Variants in RXFP2 observed in about 807,000 individuals in gnomAD.
RXFP2 encodes the protein relaxin receptor 2.
In RXFP2, 68 loss-of-function variants were observed where a neutral mutation model predicts 88.6. The ratio of observed to expected loss-of-function variants is 0.77; its 90% CI spans 0.63 to 0.94. RXFP2 has a LOEUF of 0.94. Ranked by LOEUF, RXFP2 falls within the 40% of genes least tolerant of loss-of-function variation. The pLI is 0.00. For synonymous variants in RXFP2, 329 were observed against 306.8 expected (o/e 1.07, Z -0.76); for missense variants, 791 against 893.9 (o/e 0.88, Z 1.47).
intron 9 of RXFP2, among the ~76,000 whole-genome samples, chr13:31,779,204 C>T (rs569036161): frequency 6.6e-6 from 1 of 150,836 alleles, no homozygotes; most frequent in East Asian, 2.0e-4. Flanking sequence ...CGGCTCACTG[C>T]AAGCTCTGTC....
Position 31,765,089 on chromosome 13 carries a change from T to C in RXFP2, c.372T>C (p.Cys124=), listed in dbSNP as rs1872488558. Residue 124 remains cysteine, a synonymous_variant, in exon 4 of 18, where the codon TGT becomes TGC. Coordinates refer to ENST00000298386, the MANE Select transcript of RXFP2 (RefSeq NM_130806.5). The part of the protein sequence containing the change: ...CCDCKETELE[C]VNGDLKSVPM... ...ACTGCAAAGAAACTGAATTGGAATG[T>C]GTAAATGGTGACTTAAAGTCTGTGC... 1.9e-6 allele frequency: 3 copies of C among 1,612,264 alleles called. No individual in the cohort carries two copies. In the East Asian group the frequency reaches 6.7e-5, roughly 36 times the overall value.
intron 8 of RXFP2, among the ~76,000 whole-genome samples, chr13:31,778,093 T>A (rs968026115): frequency 2.0e-5 from 3 of 152,220 alleles, no homozygotes; most frequent in Admixed American, 6.5e-5. Flanking sequence ...ACTTCTCCAA[T>A]TTAATGCAGT....
At chr13:31,755,646 T>C (rs1420514485) in intron 1 of RXFP2, among the ~76,000 whole-genome samples, 17 of 152,210 alleles carry the variant, frequency 1.1e-4, no homozygotes, top group Admixed American at 1.1e-3. Flanking sequence ...TAGAAATCTT[T>C]ACAAGCAAGA....
chr13:31,799,242 C>T (rs1057134348), intron 17 of RXFP2, among the ~76,000 whole-genome samples: 10 of 151,724 alleles, frequency 6.6e-5, no homozygotes, highest in East Asian at 1.9e-4. Flanking sequence ...AATGGAGTCT[C>T]GCTCTGTTGC....
rs757712862 is a variant in RXFP2, at chr13:31,802,374, T to C, written c.2234T>C (p.Leu745Pro). 2.5e-6 allele frequency: 4 copies of C among 1,614,128 alleles called. No individual in the cohort carries two copies. The East Asian group carries it at 8.9e-5, about 36-fold the overall frequency. ...CTTGGGGTTTTGAACAAAATAACAC[T>C]TGGAGACAGTATAATGAAACCAGTT... is the stretch of plus-strand genomic sequence containing the variant. ...LKLGVLNKITLGDSIMKPVS is the reference protein window; with the variant it reads ...LKLGVLNKITPGDSIMKPVS Residue 745 changes from leucine to proline, a missense_variant, in exon 18 of 18, where the codon CTT becomes CCT. Leu to Pro is a moderately conservative substitution (Grantham distance 98). Transcript: ENST00000298386.
At chr13:31,772,441 G>C (rs1872767658) in intron 5 of RXFP2, among the ~76,000 whole-genome samples, 1 of 152,176 alleles carries the variant, frequency 6.6e-6, no homozygotes, top group Non-Finnish European at 1.5e-5. Flanking sequence ...TGAAACTGCA[G>C]GAATTCATGA....
intron 1 of RXFP2, among the ~76,000 whole-genome samples, chr13:31,754,820 A>T (rs1383533457): frequency 6.6e-6 from 1 of 152,254 alleles, no homozygotes; most frequent in Admixed American, 6.5e-5. Flanking sequence ...ATGGAATAAC[A>T]TAAAGAAGTA....
At chr13:31,741,761 G>C (rs186421622) in intron 1 of RXFP2, among the ~76,000 whole-genome samples, 6 of 152,082 alleles carry the variant, frequency 3.9e-5, no homozygotes, top group Non-Finnish European at 8.8e-5. Flanking sequence ...TTTATTCACT[G>C]TGTATCTCTG....
chr13:31,777,289 A>G, intron 7 of RXFP2, 87 bp from the exon 8 acceptor site: 1 of 870,074 alleles, frequency 1.1e-6, no homozygotes, highest in East Asian at 2.6e-5. Flanking sequence ...GAAGCACACA[A>G]AGGAGTAGGC....
intron 1 of RXFP2, among the ~76,000 whole-genome samples, chr13:31,745,209 A>G (rs1871360727): frequency 6.6e-6 from 1 of 151,986 alleles, no homozygotes; most frequent in African/African-American, 2.4e-5. Context: ...CCAGGTATGA[A>G]TTCCCCCTTT....
In RXFP2 at chr13:31,773,349, G is replaced by C. The variant is rs114983016; in HGVS notation, c.498-1271G>C. Among the ~76,000 whole-genome samples, 1,051 of 152,270 alleles carry C rather than the reference G, an allele frequency of 6.9e-3. 10 individuals carry two copies. Among genetic ancestry groups the C allele is most frequent in the African/African-American group, 0.024 (996 of 41,550 alleles). ...AACACTTGGCACATGGAGGAACATA[G>C]GGAAAATGACCGTATTTGTAAAGTA... On this transcript the variant is annotated intron_variant, in intron 5 of 17. Transcript: ENST00000298386.
At chr13:31,749,065 T>G (rs1057110919) in intron 1 of RXFP2, among the ~76,000 whole-genome samples, 3 of 152,198 alleles carry the variant, frequency 2.0e-5, no homozygotes, top group Admixed American at 2.0e-4. Context: ...CCTTTATGAT[T>G]AGTACTTTTA....
At chr13:31,775,858 C>T (rs981229277) in intron 7 of RXFP2, among the ~76,000 whole-genome samples, 5 of 152,184 alleles carry the variant, frequency 3.3e-5, no homozygotes, top group African/African-American at 7.2e-5. Flanking sequence ...AGAAACCTCA[C>T]GTCAGATGTC....
At chr13:31,751,133 T>C (rs956151954) in intron 1 of RXFP2, among the ~76,000 whole-genome samples, 4 of 151,908 alleles carry the variant, frequency 2.6e-5, no homozygotes, top group African/African-American at 9.7e-5. Context: ...GTACTAAAAA[T>C]ACAAAAAAAT....
chr13:31,766,133 T>A, intron 5 of RXFP2, 106 bp downstream of exon 5: 1 of 690,752 alleles, frequency 1.4e-6, no homozygotes, highest in Non-Finnish European at 2.6e-6. Flanking sequence ...ATCATTACAT[T>A]TATGTTTCTA....
At chr13:31,761,497 C>T (rs931759068) in intron 2 of RXFP2, among the ~76,000 whole-genome samples, 12 of 152,156 alleles carry the variant, frequency 7.9e-5, no homozygotes, top group South Asian at 2.1e-4. Flanking sequence ...TAATTATATA[C>T]TTGCATTGCA....
At chr13:31,790,035 A>G (rs1873724288) in intron 14 of RXFP2, among the ~76,000 whole-genome samples, 1 of 152,188 alleles carries the variant, frequency 6.6e-6, no homozygotes, top group African/African-American at 2.4e-5. Context: ...AGTATAGAGA[A>G]ATTCAAACTA....
chr13:31,791,209 C>T (rs1873774381), intron 14 of RXFP2, among the ~76,000 whole-genome samples: 1 of 152,136 alleles, frequency 6.6e-6, no homozygotes, highest in African/African-American at 2.4e-5. Context: ...CTTATTTTCC[C>T]ATAGAAACTA....
chr13:31,752,800 C>G (rs1019867925), intron 1 of RXFP2, among the ~76,000 whole-genome samples: 1 of 152,190 alleles, frequency 6.6e-6, no homozygotes, highest in African/African-American at 2.4e-5. Context: ...TGCTGCCCCC[C>G]TCAGAGATGC....
Sources: allele counts gnomAD v4.1 joint callset (sites outside exome capture counted in the v4.1 genomes callset), GRCh38; gene constraint gnomAD v4.1.1; transcripts MANE v1.5; gene names NCBI Gene and HGNC (gene_info 2026-07-23, HGNC 2026-07-21).